The following SCTR variants were observed in gnomAD, a reference collection of about 807,000 sequenced individuals.
SCTR encodes pancreatic secretin receptor.
SCTR carries 56 observed loss-of-function variants against 60.8 expected under a neutral mutation model. That is an observed-to-expected ratio of 0.92 (90% CI 0.74 to 1.15). SCTR has a LOEUF of 1.15. Among genes scored for constraint, SCTR ranks in the 50% most tolerant of loss-of-function variants. The pLI is 0.00. For missense variants in SCTR, 562 were observed against 550.4 expected (o/e 1.02, Z -0.21); for synonymous variants, 202 against 217.0 (o/e 0.93, Z 0.61).
At chr2:119,501,193 G>A (rs1399765189) in intron 1 of SCTR, among the ~76,000 whole-genome samples, 2 of 152,088 alleles carry the variant, frequency 1.3e-5, no homozygotes, top group South Asian at 2.1e-4. Flanking sequence ...GGTGGATCAC[G>A]AGGTCAGGAG....
intron 3 of SCTR, among the ~76,000 whole-genome samples, chr2:119,475,977 A>C (rs958487761): frequency 1.3e-5 from 2 of 152,220 alleles, no homozygotes; most frequent in African/African-American, 4.8e-5. Context: ...TAGAGGGAGC[A>C]TTCTAGGCCT....
intron 1 of SCTR, among the ~76,000 whole-genome samples, chr2:119,523,391 G>A (rs555167600): frequency 1.4e-4 from 18 of 130,976 alleles, no homozygotes; most frequent in African/African-American, 5.0e-4. Flanking sequence ...CCATCCTGCC[G>A]CTATTATTAT....
At chr2:119,494,316 G>C (rs1209292675) in intron 2 of SCTR, 112 bp downstream of exon 2, 3 of 1,236,822 alleles carry the variant, frequency 2.4e-6, no homozygotes, top group Non-Finnish European at 3.3e-6. Flanking sequence ...AGTGAGAAAA[G>C]CTGGACCAGC....
chr2:119,508,499 A>G (rs1421249324), intron 1 of SCTR, among the ~76,000 whole-genome samples: 1 of 140,536 alleles, frequency 7.1e-6, no homozygotes, highest in East Asian at 2.1e-4. Context: ...CCATCCTCCC[A>G]TCTCAGCCTC....
chr2:119,474,516 C>G (rs901257995), intron 3 of SCTR, among the ~76,000 whole-genome samples: 4 of 152,286 alleles, frequency 2.6e-5, no homozygotes, highest in Middle Eastern at 3.4e-3. Context: ...CAGCTCAGGC[C>G]GGTGTAAGTG....
chr2:119,452,555 G>C (rs568529393), intron 8 of SCTR, among the ~76,000 whole-genome samples: 10 of 152,144 alleles, frequency 6.6e-5, no homozygotes, highest in African/African-American at 2.4e-4. Flanking sequence ...AAAATGGAAC[G>C]TGTTAAAGGA....
In SCTR at chr2:119,440,010, AGGAGGACACAG is replaced by A; in HGVS notation, c.*96_*106del. 8.3e-7 allele frequency: 1 copy of A among 1,200,110 alleles called. No homozygotes were observed. The highest frequency in any genetic ancestry group is 1.5e-5 in the South Asian group (1 of 67,116). The allele number at this position is 1,200,110 out of a possible 1,614,324, so 74.3% of individuals were successfully genotyped here. On this transcript the variant is annotated 3_prime_UTR_variant, in exon 13 of 13. Transcript: ENST00000019103. Reference sequence around the variant, plus strand: ...CCTGGGGAGGGGCATCTTCAGCTGAAGGAGGACACAGGGTGTCTGCTGGGAAGACTGGCTGT... The same window carrying A: ...CCTGGGGAGGGGCATCTTCAGCTGAAGGTGTCTGCTGGGAAGACTGGCTGT...
At chr2:119,479,054 C>A in intron 2 of SCTR, 136 bp from the exon 3 acceptor site, 1 of 1,481,994 alleles carries the variant, frequency 6.7e-7, no homozygotes, top group Non-Finnish European at 9.0e-7. Context: ...TAGGTGCTGA[C>A]TCCTCAGGAT....
intron 4 of SCTR, among the ~76,000 whole-genome samples, chr2:119,470,356 A>C (rs1239205000): frequency 6.6e-6 from 1 of 152,244 alleles, no homozygotes; most frequent in African/African-American, 2.4e-5. Flanking sequence ...ATAATAAGAA[A>C]TAGGATGGTT....
chr2:119,504,195 C>T (rs988305780), intron 1 of SCTR, among the ~76,000 whole-genome samples: 2 of 152,112 alleles, frequency 1.3e-5, no homozygotes, highest in Admixed American at 6.6e-5. Context: ...TTGAAGCAAC[C>T]GAACATCTGT....
intron 2 of SCTR, chr2:119,486,090 G>A (rs539762174): frequency 6.6e-6 from 1 of 152,246 alleles, no homozygotes; most frequent in East Asian, 1.9e-4. Context: ...GAAATCCCAG[G>A]GCAACAAGGG....
At chr2:119,521,570 G>A (rs1207676479) in intron 1 of SCTR, among the ~76,000 whole-genome samples, 1 of 152,120 alleles carries the variant, frequency 6.6e-6, no homozygotes, top group Non-Finnish European at 1.5e-5. Flanking sequence ...CTTATAGGGA[G>A]GCCTCAGAAA....
In SCTR at chr2:119,473,454, C is replaced by T. The variant is rs1442294129; in HGVS notation, c.404G>A (p.Arg135Gln). Residue 135 changes from arginine to glutamine, a missense_variant and splice_region_variant, in exon 4 of 13, where the codon CGG (arginine) becomes CAG (glutamine). Physicochemically the swap from Arg to Gln is conservative, Grantham distance 43. Transcript: ENST00000019103. Reference sequence around the variant, plus strand: ...TGGGGTGGAGGTTGACAGGCTTACCCGCTTCTCGTTGGAAGAGTCGTTCAC... The same window carrying T: ...TGGGGTGGAGGTTGACAGGCTTACCTGCTTCTCGTTGGAAGAGTCGTTCAC... ...VNVNDSSNEK[R>Q]HSYLLKLKVM... The T allele has an allele frequency of 2.2e-5, 35 of 1,610,320 alleles. No homozygotes were observed. The highest frequency in any genetic ancestry group is 1.6e-4 in the Middle Eastern group (1 of 6,072).
chr2:119,472,409 C>T lies in SCTR; in HGVS notation c.405+1044G>A, dbSNP rs78660151. Among the ~76,000 whole-genome samples the T allele has an allele frequency of 2.8e-3, 434 of 152,326 alleles. 2 individuals are homozygous for T. Among genetic ancestry groups the T allele is most frequent in the African/African-American group, 0.01 (421 of 41,572 alleles). ...AAGGCCCAGGTGGGAGGCAGGATGG[C>T]ACAGTGTGCATGAGATTTGAGAGAA... On this transcript the variant is annotated intron_variant, in intron 4 of 12. Coordinates refer to ENST00000019103, the MANE Select transcript of SCTR (RefSeq NM_002980.3).
At chr2:119,498,570 A>G (rs1031427756) in intron 1 of SCTR, among the ~76,000 whole-genome samples, 2 of 152,264 alleles carry the variant, frequency 1.3e-5, no homozygotes, top group Non-Finnish European at 2.9e-5. Context: ...CATATTTAAG[A>G]CAAGTATATT....
At chr2:119,498,593 T>A (rs928573730) in intron 1 of SCTR, among the ~76,000 whole-genome samples, 1 of 152,098 alleles carries the variant, frequency 6.6e-6, no homozygotes. Flanking sequence ...AAATGCGGGA[T>A]GATAAAGGGA....
At chr2:119,445,164 C>T (rs1030659519) in intron 11 of SCTR, among the ~76,000 whole-genome samples, 14 of 152,034 alleles carry the variant, frequency 9.2e-5, no homozygotes, top group African/African-American at 3.4e-4. Context: ...AGTCCCCATC[C>T]ATGGCCAGGC....
chr2:119,443,459 T>C (rs1682730890), intron 11 of SCTR, among the ~76,000 whole-genome samples: 1 of 152,266 alleles, frequency 6.6e-6, no homozygotes, highest in Non-Finnish European at 1.5e-5. Flanking sequence ...GATTTTTTTC[T>C]TATTATTTTT....
rs749806232 is a variant in SCTR, at chr2:119,440,097, G to A, written c.*20C>T. The A allele has an allele frequency of 2.5e-6, 4 of 1,611,048 alleles. No individual in the cohort carries two copies. Among genetic ancestry groups the A allele is most frequent in the Non-Finnish European group, 2.5e-6 (3 of 1,178,446 alleles). On this transcript the variant is annotated 3_prime_UTR_variant, in exon 13 of 13. Coordinates refer to ENST00000019103, the MANE Select transcript of SCTR (RefSeq NM_002980.3). ...GGACCTCTCTTGGTCTCTGTCCGTG[G>A]GTGACCCTGCTCCAGCCTCTCAGAT...
Sources: allele counts gnomAD v4.1 joint callset (sites outside exome capture counted in the v4.1 genomes callset), GRCh38; gene constraint gnomAD v4.1.1; transcripts MANE v1.5; gene names NCBI Gene and HGNC (gene_info 2026-07-23, HGNC 2026-07-21).